Variants in CCDC91 observed in about 807,000 individuals in gnomAD.
The protein encoded by CCDC91 is coiled-coil domain-containing protein 91.
In CCDC91, 48 loss-of-function variants were observed where a neutral mutation model predicts 63.2. The ratio of observed to expected loss-of-function variants is 0.76; its 90% confidence interval spans 0.60 to 0.97. The LOEUF is 0.97. Ranked by LOEUF, CCDC91 falls within the 50% of genes least tolerant of loss-of-function variation. CCDC91 has a pLI of 0.00. For missense variants in CCDC91, 500 were observed against 494.6 expected, an observed-to-expected ratio of 1.01 and a Z score of -0.10; for synonymous variants, 167 against 165.8, an observed-to-expected ratio of 1.01 and a Z score of -0.06.
Position 28,350,410 on chromosome 12 carries a change from G to C in CCDC91, c.577-12028G>C, listed in dbSNP as rs576584312. 7.9e-5 allele frequency among the ~76,000 whole-genome samples: 12 copies of C among 152,246 alleles called. No individual in the cohort carries two copies. In the South Asian group the frequency reaches 1.5e-3, roughly 18 times the overall value. On this transcript the variant is annotated intron_variant, in intron 6 of 12. Coordinates refer to ENST00000536442, the MANE Select transcript of CCDC91 (RefSeq NM_018318.5). Reference sequence around the variant, plus strand: ...GTAATTATTTTTAACACTTAGGTAAGAAGTAATTTGAAAAAGGCCATGTCA... The same window carrying C: ...GTAATTATTTTTAACACTTAGGTAACAAGTAATTTGAAAAAGGCCATGTCA...
chr12:28,467,531 C>A (rs1950604589), intron 11 of CCDC91, among the ~76,000 whole-genome samples: 1 of 151,956 alleles, frequency 6.6e-6, no homozygotes, highest in South Asian at 2.1e-4. Flanking sequence ...CAATAGCTCA[C>A]CTTCAGTATT....
At chr12:28,394,380 G>A (rs1229786374) in intron 8 of CCDC91, among the ~76,000 whole-genome samples, 2 of 151,964 alleles carry the variant, frequency 1.3e-5, no homozygotes, top group African/African-American at 2.4e-5. Flanking sequence ...GCAGGAGAAT[G>A]GCGTGAACCT....
chr12:28,200,238 AT>A (rs57613241), intron 1 of CCDC91, among the ~76,000 whole-genome samples: 38,133 of 140,022 alleles, frequency 0.27, 5,180 homozygotes, highest in Non-Finnish European at 0.32. Context: ...CTTCTAGTGA[AT>A]TTTTTTTTTT....
intron 7 of CCDC91, among the ~76,000 whole-genome samples, chr12:28,379,168 C>T (rs1392784945): frequency 2.0e-5 from 3 of 151,862 alleles, no homozygotes; most frequent in Admixed American, 2.0e-4. Flanking sequence ...AGATAAAAGA[C>T]CTTAAGATGT....
intron 8 of CCDC91, among the ~76,000 whole-genome samples, chr12:28,428,583 A>C (rs952316920): frequency 4.0e-5 from 6 of 150,614 alleles, no homozygotes; most frequent in Non-Finnish European, 5.9e-5. Context: ...CCAAAAAAAA[A>C]AAAAAAAAAA....
intron 12 of CCDC91, among the ~76,000 whole-genome samples, chr12:28,536,626 C>CGG: frequency 6.6e-6 from 1 of 152,094 alleles, no homozygotes; most frequent in Non-Finnish European, 1.5e-5. Flanking sequence ...ATACTGCCTA[C>CGG]TTAATTTATG....
chr12:28,436,568 T>C (rs997703076), intron 8 of CCDC91, among the ~76,000 whole-genome samples: 4 of 151,888 alleles, frequency 2.6e-5, no homozygotes, highest in African/African-American at 9.7e-5. Context: ...CCTACACTTA[T>C]TACTTCTCTA....
chr12:28,390,714 ACTTAC>A (rs1945878589), intron 7 of CCDC91, among the ~76,000 whole-genome samples: 1 of 152,006 alleles, frequency 6.6e-6, no homozygotes, highest in Admixed American at 6.6e-5. Flanking sequence ...GAGACTCTTG[ACTTAC>A]CTACTTTGAC....
chr12:28,213,844 G>A (rs1336004360), intron 1 of CCDC91, among the ~76,000 whole-genome samples: 1 of 152,216 alleles, frequency 6.6e-6, no homozygotes, highest in Non-Finnish European at 1.5e-5. Flanking sequence ...TGATAGAATG[G>A]TGGAATGGCT....
At chr12:28,394,984 G>T (rs1230663146) in intron 8 of CCDC91, among the ~76,000 whole-genome samples, 2 of 152,100 alleles carry the variant, frequency 1.3e-5, no homozygotes, top group East Asian at 3.9e-4. Flanking sequence ...TATTCTGGGT[G>T]TTTATTGGCT....
intron 12 of CCDC91, among the ~76,000 whole-genome samples, chr12:28,533,305 TCA>T (rs1245540221): frequency 2.0e-5 from 3 of 152,114 alleles, no homozygotes; most frequent in South Asian, 2.1e-4. Flanking sequence ...CCTGGCTTAT[TCA>T]CAGTCAAAAC....
chr12:28,432,296 C>T (rs142264558), intron 8 of CCDC91, among the ~76,000 whole-genome samples: 41 of 151,930 alleles, frequency 2.7e-4, no homozygotes, highest in Non-Finnish European at 4.9e-4. Flanking sequence ...AATCTCATCT[C>T]GAATTGTAAT....
intron 8 of CCDC91, among the ~76,000 whole-genome samples, chr12:28,449,205 A>C (rs1202245106): frequency 6.6e-6 from 1 of 152,072 alleles, no homozygotes; most frequent in Non-Finnish European, 1.5e-5. Context: ...ACTTACTCTC[A>C]ATATAGACTG....
At chr12:28,206,919 A>G (rs1942900440) in intron 1 of CCDC91, among the ~76,000 whole-genome samples, 1 of 152,160 alleles carries the variant, frequency 6.6e-6, no homozygotes, top group African/African-American at 2.4e-5. Flanking sequence ...CCTCCAGGCA[A>G]TGTTTTCTTT....
chr12:28,528,476 G>T (rs1941464899), intron 12 of CCDC91, among the ~76,000 whole-genome samples: 1 of 152,186 alleles, frequency 6.6e-6, no homozygotes, highest in Non-Finnish European at 1.5e-5. Context: ...CACAGTATTT[G>T]GGGTGTCTCC....
chr12:28,315,268 C>T (rs570103424), intron 6 of CCDC91, among the ~76,000 whole-genome samples: 16 of 151,842 alleles, frequency 1.1e-4, no homozygotes, highest in Admixed American at 7.2e-4. Context: ...TGGGTTCAAG[C>T]GATTCTTGTG....
At chr12:28,390,640 T>G (rs2139282640) in intron 7 of CCDC91, among the ~76,000 whole-genome samples, 1 of 152,294 alleles carries the variant, frequency 6.6e-6, no homozygotes, top group Admixed American at 6.5e-5. Flanking sequence ...GTTCCAGCAT[T>G]TACAGTATCC....
chr12:28,195,543 C>T (rs1254602187), intron 1 of CCDC91, among the ~76,000 whole-genome samples: 1 of 152,102 alleles, frequency 6.6e-6, no homozygotes, highest in Non-Finnish European at 1.5e-5. Context: ...TTCCATTGTT[C>T]TGTGCGTCTG....
At chr12:28,502,154 C>T (rs116102350) in intron 12 of CCDC91, among the ~76,000 whole-genome samples, 2,379 of 151,838 alleles carry the variant, frequency 0.016, 62 homozygotes, top group African/African-American at 0.054. Flanking sequence ...TTTCAAAAAA[C>T]CAGCTCATGA....
Sources: gnomAD v4.1 joint callset for allele counts (sites outside exome capture counted in the v4.1 genomes callset) on GRCh38, gnomAD v4.1.1 for gene constraint, MANE v1.5 for transcripts, NCBI Gene and HGNC (gene_info 2026-07-23, HGNC 2026-07-21) for gene names.